Variants in LY6K observed in about 807,000 individuals in gnomAD.
LY6K encodes the protein lymphocyte antigen 6K.
Under a neutral mutation model 10.4 loss-of-function variants are expected in LY6K, and 9 were observed. That is an observed-to-expected ratio of 0.87 (90% CI 0.52 to 1.52). The LOEUF is 1.52. Ranked by LOEUF, LY6K falls within the 40% of genes most tolerant of loss-of-function variation. LY6K has a pLI of 0.00. For synonymous variants in LY6K, 98 were observed against 83.7 expected, an observed-to-expected ratio of 1.17 and a Z score of -0.94; for missense variants, 217 against 211.7, an observed-to-expected ratio of 1.02 and a Z score of -0.15.
In LY6K at chr8:142,702,411, C is replaced by G. The variant is rs997049937; in HGVS notation, c.218-680C>G. ...GCCTTAAAAATTGTGGAGACCACTG[C>G]TCTGTCATCTGTGATTCCCCTGAAA... On this transcript the variant is annotated intron_variant, in intron 2 of 2. Coordinates refer to ENST00000292430, the MANE Select transcript of LY6K (RefSeq NM_017527.4). 39 of 1,347,672 alleles carry G rather than the reference C, an allele frequency of 2.9e-5. No individual in the cohort carries two copies. The African/African-American group carries it at 5.0e-4, about 17-fold the overall frequency. The allele number at this position is 1,347,672 out of a possible 1,614,324, so 83.5% of individuals were successfully genotyped here.
intron 2 of LY6K, chr8:142,702,614 C>T: frequency 6.5e-7 from 1 of 1,534,950 alleles, no homozygotes; most frequent in Non-Finnish European, 8.7e-7. Context: ...GTGTGGCCCA[C>T]ATCGACTTTA....
At position 142,700,644 on chromosome 8, in the gene LY6K, G is replaced by A. The variant is rs781929085; in HGVS notation, c.103+14G>A. 1.3e-6 allele frequency: 2 copies of A among 1,500,900 alleles called. No homozygotes were observed. The highest frequency in any genetic ancestry group is 1.3e-5 in the South Asian group (1 of 77,962). 93.0% of individuals were successfully genotyped at this position (1,500,900 alleles called of 1,614,324 possible). Reference sequence around the variant, plus strand: ...CCCAGCGAACGGGTGAGCCTGGCTCGCCCTCCACAGCCACGGGCCGAGAGG... The same window carrying A: ...CCCAGCGAACGGGTGAGCCTGGCTCACCCTCCACAGCCACGGGCCGAGAGG... On this transcript the variant is annotated intron_variant, in intron 1 of 2. Transcript: ENST00000292430.
At chr8:142,702,708 G>A in intron 2 of LY6K, 1 of 1,499,936 alleles carries the variant, frequency 6.7e-7, no homozygotes, top group Admixed American at 2.0e-5. Flanking sequence ...TCAGAGTCGA[G>A]CCAGGCCCAC....
chr8:142,702,930 A>G, intron 2 of LY6K, 161 bp from the exon 3 acceptor site: 2 of 1,550,310 alleles, frequency 1.3e-6, no homozygotes, highest in Non-Finnish European at 1.7e-6. Context: ...TTCAACACAC[A>G]GGCCTGGCCC....
intron 1 of LY6K, 148 bp downstream of exon 1, chr8:142,700,778 C>CACGAG: frequency 3.6e-6 from 3 of 822,672 alleles, no homozygotes; most frequent in Non-Finnish European, 5.1e-6. Flanking sequence ...TGGGGAGCCT[C>CACGAG]GCCTCGTGCG....
At chr8:142,701,564 G>A (rs1367756583) in intron 1 of LY6K, 36 bp from the exon 2 acceptor site, 3 of 1,414,204 alleles carry the variant, frequency 2.1e-6, no homozygotes, top group African/African-American at 2.8e-5. Flanking sequence ...ACGGAGAACT[G>A]GAACATTCTG....
At chr8:142,702,903 C>T (rs978969250) in intron 2 of LY6K, 188 bp from the exon 3 acceptor site, 11 of 1,549,798 alleles carry the variant, frequency 7.1e-6, no homozygotes, top group Non-Finnish European at 8.7e-6. Context: ...AGAAGCCAGC[C>T]CTTCCCTGAA....
rs782612733 is a variant in LY6K, at chr8:142,702,958, C to A, written c.218-133C>A. The A allele has an allele frequency of 4.7e-5, 73 of 1,553,048 alleles. No homozygotes were observed. The Middle Eastern group carries it at 5.0e-4, about 11-fold the overall frequency. On this transcript the variant is annotated intron_variant, in intron 2 of 2. Transcript: ENST00000292430. ...CCTGGCCCTCGTCCTCCCGACTCCC[C>A]CTTGGTGCCCCAGTTGACTGTGCAC... is the stretch of plus-strand genomic sequence containing the variant.
In LY6K at chr8:142,704,338, G is replaced by A. The variant is rs587728044; in HGVS notation, c.*967G>A. On this transcript the variant is annotated 3_prime_UTR_variant, in exon 3 of 3. Coordinates refer to ENST00000292430, the MANE Select transcript of LY6K (RefSeq NM_017527.4). ...TTCAGTCTTTGTGACGTTATTAACT[G>A]AAGAAAAGTGGGTGCCCTTTAAAGA... 2.6e-5 allele frequency: 4 copies of A among 152,288 alleles called. No homozygotes were observed. The South Asian group carries it at 6.2e-4, about 24-fold the overall frequency. 9.4% of individuals were successfully genotyped at this position (152,288 alleles called of 1,614,324 possible). A position where few individuals can be genotyped will look rare whatever the true frequency, so the allele number is the denominator to read the frequency against.
chr8:142,700,326 G>A lies in LY6K; in HGVS notation c.-202G>A, dbSNP rs2129913099. 3 of 1,305,790 alleles carry A rather than the reference G, an allele frequency of 2.3e-6. No individual in the cohort carries two copies. The highest frequency in any genetic ancestry group is 6.6e-5 in the East Asian group (2 of 30,448). The allele number at this position is 1,305,790 out of a possible 1,614,324, so 80.9% of individuals were successfully genotyped here. ...AGGCGGGACTCAGAACCGGCGTTCA[G>A]GGCCGCCAGCGGCCGCGAGGCCCTG... On this transcript the variant is annotated 5_prime_UTR_variant, in exon 1 of 3. Coordinates refer to ENST00000292430, the MANE Select transcript of LY6K (RefSeq NM_017527.4).
At chr8:142,701,929 C>T (rs1815053445) in intron 2 of LY6K, 1 of 483,276 alleles carries the variant, frequency 2.1e-6, no homozygotes, top group Non-Finnish European at 3.7e-6. Context: ...CCTGCCTCAG[C>T]CTCCAGAGTA....
At chr8:142,701,866 A>G in intron 2 of LY6K, 153 bp downstream of exon 2, 1 of 593,802 alleles carries the variant, frequency 1.7e-6, no homozygotes, top group Non-Finnish European at 3.0e-6. Flanking sequence ...GCTGGAGTGC[A>G]GTGGTGTGAT....
rs1422333755 is a variant in LY6K at position 142,704,417 on chromosome 8, C to G, written c.*1046C>G. 1 of 152,140 alleles carries G rather than the reference C, an allele frequency of 6.6e-6. No individual in the cohort carries two copies. Among genetic ancestry groups the G allele is most frequent in the African/African-American group, 2.4e-5 (1 of 41,410 alleles). 9.4% of individuals were successfully genotyped at this position (152,140 alleles called of 1,614,324 possible). A position where few individuals can be genotyped will look rare whatever the true frequency, so the allele number is the denominator to read the frequency against. On this transcript the variant is annotated 3_prime_UTR_variant, in exon 3 of 3. Coordinates refer to ENST00000292430, the MANE Select transcript of LY6K (RefSeq NM_017527.4). ...CAAATCAGGCCTGGAAGGTGTATGC[C>G]TAGTGATTTCCCATTGAAACTCTCA...
At position 142,700,453 on chromosome 8, in the gene LY6K, C is replaced by T. The variant is rs1554639905; in HGVS notation, c.-75C>T. ...CCGGCCAGACCCGGGGAGAGGCGCG[C>T]GGAGGCTGCGAAGGTTCCAGAAGGG... On this transcript the variant is annotated 5_prime_UTR_variant, in exon 1 of 3. Transcript: ENST00000292430. 27 of 1,490,132 alleles carry T rather than the reference C, an allele frequency of 1.8e-5. No homozygotes were observed. Among genetic ancestry groups the T allele is most frequent in the Non-Finnish European group, 2.2e-5 (25 of 1,121,034 alleles). 92.3% of individuals were successfully genotyped at this position (1,490,132 alleles called of 1,614,324 possible).
In LY6K at chr8:142,700,401, G is replaced by T. The variant is rs934192172; in HGVS notation, c.-127G>T. ...AGGCCCCGGCGGGTGGGAGGCGCGC[G>T]CCCCGGGGCGGGCGGGGCTCCCCCT... On this transcript the variant is annotated 5_prime_UTR_variant, in exon 1 of 3. Coordinates refer to ENST00000292430, the MANE Select transcript of LY6K (RefSeq NM_017527.4). The T allele has an allele frequency of 2.2e-6, 3 of 1,347,518 alleles. No individual in the cohort carries two copies. In the South Asian group the frequency reaches 5.3e-5, roughly 24 times the overall value. The allele number at this position is 1,347,518 out of a possible 1,614,324, so 83.5% of individuals were successfully genotyped here. A position where few individuals can be genotyped will look rare whatever the true frequency, so the allele number is the denominator to read the frequency against.
Position 142,700,172 on chromosome 8 carries a change from A to C in LY6K, c.-356A>C, listed in dbSNP as rs1814940785. 1 of 282,752 alleles carries C rather than the reference A, an allele frequency of 3.5e-6. No homozygotes were observed. The highest frequency in any genetic ancestry group is 5.7e-6 in the Non-Finnish European group (1 of 176,806). 17.5% of individuals were successfully genotyped at this position (282,752 alleles called of 1,614,324 possible). On this transcript the variant is annotated 5_prime_UTR_variant, in exon 1 of 3. Coordinates refer to ENST00000292430, the MANE Select transcript of LY6K (RefSeq NM_017527.4). ...AAGATCCCCTACCTGGCCGCCGGCC[A>C]CTTTCTGTGGGCCGTGGGGTCCTCA... is the stretch of plus-strand genomic sequence containing the variant.
chr8:142,702,028 G>A (rs782525959), intron 2 of LY6K: 7 of 297,324 alleles, frequency 2.4e-5, no homozygotes, highest in Non-Finnish European at 4.4e-5. Context: ...GGCTGGTCTC[G>A]AACTCCTGAC....
At chr8:142,700,756 C>G in intron 1 of LY6K, 126 bp downstream of exon 1, 3 of 1,030,332 alleles carry the variant, frequency 2.9e-6, no homozygotes, top group Non-Finnish European at 3.9e-6. Flanking sequence ...GCCCGTGGCG[C>G]CTGGAAGCCT....
Position 142,701,702 on chromosome 8 carries a change from T to C in LY6K, c.206T>C (p.Ile69Thr). The change falls in exon 2 of 3, where the codon ATA (isoleucine) becomes ACA (threonine). Residue 69 changes from isoleucine to threonine, a missense_variant. By Grantham distance (89) the Ile-to-Thr change is moderately conservative. Transcript: ENST00000292430. ...RCKWTEPYCV[I>T]AAVKIFPRFF... The stretch of plus-strand genomic sequence containing the variant: ...AAATGGACAGAGCCATACTGCGTTA[T>C]AGCGGCCGTGAGTGAGTATCTTCGC... The C allele has an allele frequency of 6.2e-7, 1 of 1,612,478 alleles. No homozygotes were observed. Among genetic ancestry groups the C allele is most frequent in the Non-Finnish European group, 8.5e-7 (1 of 1,178,710 alleles).
Sources: allele counts gnomAD v4.1 joint callset, GRCh38; gene constraint gnomAD v4.1.1; transcripts MANE v1.5; gene names NCBI Gene and HGNC (gene_info 2026-07-23, HGNC 2026-07-21).